Variants in DHRSX observed in about 807,000 individuals in gnomAD.
DHRSX encodes the protein dehydrogenase/reductase X-linked, also known as polyprenol dehydrogenase.
Under a neutral mutation model 34.0 loss-of-function variants are expected in DHRSX, and 31 were observed. That is an observed-to-expected ratio of 0.91 (90% CI 0.69 to 1.23). The LOEUF is 1.23. Among genes scored for constraint, DHRSX ranks in the 50% most tolerant of loss-of-function variants. The pLI, the probability that DHRSX is intolerant of heterozygous loss-of-function variation, is 0.00. For synonymous variants in DHRSX, 201 were observed against 183.8 expected, an observed-to-expected ratio of 1.09 and a Z score of -0.76; for missense variants, 414 against 428.1, an observed-to-expected ratio of 0.97 and a Z score of 0.29.
rs762835557 is a variant in DHRSX at position 2,451,230 on chromosome X, C to CT, written c.110-25927dup. Among the ~76,000 whole-genome samples the CT allele has an allele frequency of 4.0e-4, 49 of 123,872 alleles. 1 individual carries two copies. The East Asian group carries it at 0.01, about 26-fold the overall frequency. The allele number at this position is 123,872 out of a possible 152,430, so 81.3% of individuals were successfully genotyped here. ...CCTGGGCAATACAGCAAGACTCCAT[C>CT]TTTAAAAAAAAAAAAAAAAAAGTTG... On this transcript the variant is annotated intron_variant, in intron 1 of 6. Transcript: ENST00000334651.
At chrX:2,295,128 C>T (rs1425070746) in intron 3 of DHRSX, among the ~76,000 whole-genome samples, 7 of 152,204 alleles carry the variant, frequency 4.6e-5, no homozygotes, top group Middle Eastern at 3.4e-3. Context: ...TGCACACATA[C>T]GTTTATTGCG....
At chrX:2,361,022 A>G (rs2042927086) in intron 3 of DHRSX, among the ~76,000 whole-genome samples, 1 of 152,126 alleles carries the variant, frequency 6.6e-6, no homozygotes, top group African/African-American at 2.4e-5. Context: ...GACAGCTCCT[A>G]CTGGCTGCTA....
At chrX:2,499,754 T>G (rs1454318410) in intron 1 of DHRSX, among the ~76,000 whole-genome samples, 1 of 151,610 alleles carries the variant, frequency 6.6e-6, no homozygotes, top group East Asian at 1.9e-4. Context: ...ACAAAAAAAT[T>G]AAAACATTAG....
At chrX:2,416,615 T>C (rs2043697077) in intron 2 of DHRSX, among the ~76,000 whole-genome samples, 1 of 152,172 alleles carries the variant, frequency 6.6e-6, no homozygotes, top group Non-Finnish European at 1.5e-5. Flanking sequence ...ACACATTTAT[T>C]ATCTGTCTCT....
rs752858289 is a variant in DHRSX at position 2,230,195 on chromosome X, ATGTG to A, written c.805-8970_805-8967del. On this transcript the variant is annotated intron_variant, in intron 6 of 6. Coordinates refer to ENST00000334651, the MANE Select transcript of DHRSX (RefSeq NM_145177.3). ...GGTGCGCGCATGTGTTTGCATCTAT[ATGTG>A]TGTATTTGTACATGTGTGCATGTAT... Among the ~76,000 whole-genome samples, 208 of 138,244 alleles carry A rather than the reference ATGTG, an allele frequency of 1.5e-3. 2 individuals carry two copies. Among genetic ancestry groups the A allele is most frequent in the African/African-American group, 2.5e-3 (98 of 38,686 alleles). The allele number at this position is 138,244 out of a possible 152,430, so 90.7% of individuals were successfully genotyped here. A position where few individuals can be genotyped will look rare whatever the true frequency, so the allele number is the denominator to read the frequency against.
At position 2,371,567 on chromosome X, in the gene DHRSX, T is replaced by C. The variant is rs868563522; in HGVS notation, c.286+37178A>G. On this transcript the variant is annotated intron_variant, in intron 3 of 6. Transcript: ENST00000334651. ...TCCTTCTGTTACCATAGTCCCTCCT[T>C]CCATTACCATAGTACCTCCTCCCAT... Among the ~76,000 whole-genome samples the C allele has an allele frequency of 3.1e-5, 4 of 130,726 alleles. No individual in the cohort carries two copies. In the South Asian group the frequency reaches 7.3e-4, roughly 24 times the overall value. 85.8% of individuals were successfully genotyped at this position (130,726 alleles called of 152,430 possible). A position where few individuals can be genotyped will look rare whatever the true frequency, so the allele number is the denominator to read the frequency against.
At chrX:2,311,133 CAG>C (rs747502438) in intron 3 of DHRSX, among the ~76,000 whole-genome samples, 3 of 147,144 alleles carry the variant, frequency 2.0e-5, no homozygotes, top group South Asian at 2.2e-4. Flanking sequence ...AAGCGAGAGA[CAG>C]AGAGAGAGAA....
Position 2,465,820 on chromosome X carries a change from A to AAAAG in DHRSX, c.109+34996_109+34997insCTTT, listed in dbSNP as rs1556526227. On this transcript the variant is annotated intron_variant, in intron 1 of 6. Coordinates refer to ENST00000334651, the MANE Select transcript of DHRSX (RefSeq NM_145177.3). ...GCAAAACTCCATCGCAAAAAAAAAA[A>AAAAG]AAAAAAGAGAAAAGAAAACAGACAT... 2.8e-4 allele frequency among the ~76,000 whole-genome samples: 30 copies of AAAAG among 108,278 alleles called. 1 individual carries two copies. The highest frequency in any genetic ancestry group is 5.0e-4 in the African/African-American group (10 of 20,012). 71.0% of individuals were successfully genotyped at this position (108,278 alleles called of 152,430 possible). A position where few individuals can be genotyped will look rare whatever the true frequency, so the allele number is the denominator to read the frequency against.
intron 1 of DHRSX, among the ~76,000 whole-genome samples, chrX:2,434,266 G>A (rs925728472): frequency 1.3e-5 from 2 of 152,230 alleles, no homozygotes; most frequent in Non-Finnish European, 2.9e-5. Context: ...AAGTAGGGTT[G>A]TTATCCAGAA....
chrX:2,420,418 T>A (rs1226800515), intron 2 of DHRSX, among the ~76,000 whole-genome samples: 1 of 127,020 alleles, frequency 7.9e-6, no homozygotes, highest in African/African-American at 3.0e-5. Flanking sequence ...CAAAAAATAA[T>A]AATAATAATA....
chrX:2,284,137 A>T (rs1224496311), intron 4 of DHRSX, among the ~76,000 whole-genome samples: 1 of 152,034 alleles, frequency 6.6e-6, no homozygotes, highest in Non-Finnish European at 1.5e-5. Flanking sequence ...CACTCATTTG[A>T]ATTCATTCAT....
chrX:2,372,525 AG>A (rs1377221732), intron 3 of DHRSX, among the ~76,000 whole-genome samples: 8 of 152,146 alleles, frequency 5.3e-5, no homozygotes, highest in Admixed American at 5.2e-4. Flanking sequence ...TAAGCAGCGA[AG>A]CCCCAGAGAC....
intron 1 of DHRSX, among the ~76,000 whole-genome samples, chrX:2,430,501 G>A (rs2043905062): frequency 6.6e-6 from 1 of 152,088 alleles, no homozygotes; most frequent in African/African-American, 2.4e-5. Flanking sequence ...TCAGGGTTTT[G>A]GGTTTTCACA....
At chrX:2,391,417 C>CACCAAGGCATA (rs1490407635) in intron 3 of DHRSX, among the ~76,000 whole-genome samples, 1 of 152,166 alleles carries the variant, frequency 6.6e-6, no homozygotes, top group Non-Finnish European at 1.5e-5. Context: ...CACCAGTATG[C>CACCAAGGCATA]ACCAAGGCAT....
chrX:2,330,656 T>TGAAGGA (rs1569489835), intron 3 of DHRSX, among the ~76,000 whole-genome samples: 9 of 119,436 alleles, frequency 7.5e-5, no homozygotes, highest in Non-Finnish European at 1.5e-4. Context: ...CGAAAGAAGA[T>TGAAGGA]GAAGGAGAAG....
chrX:2,428,310 GAC>G (rs2043874396), intron 1 of DHRSX, among the ~76,000 whole-genome samples: 2 of 151,914 alleles, frequency 1.3e-5, no homozygotes, highest in African/African-American at 2.4e-5. Flanking sequence ...CCACTATAAC[GAC>G]ACACACACGT....
chrX:2,395,858 G>A (rs1418556905), intron 3 of DHRSX, among the ~76,000 whole-genome samples: 3 of 152,140 alleles, frequency 2.0e-5, no homozygotes, highest in Admixed American at 1.3e-4. Flanking sequence ...GCCTCTATCA[G>A]CAATGCAACT....
chrX:2,344,872 C>CAT (rs775259345), intron 3 of DHRSX, among the ~76,000 whole-genome samples: 2,164 of 97,920 alleles, frequency 0.022, 31 homozygotes, highest in East Asian at 0.056. Flanking sequence ...TAAAAAGAAG[C>CAT]ATATATATAT....
At chrX:2,257,222 G>C (rs2041292017) in intron 5 of DHRSX, among the ~76,000 whole-genome samples, 1 of 152,218 alleles carries the variant, frequency 6.6e-6, no homozygotes, top group Non-Finnish European at 1.5e-5. Flanking sequence ...CCGAAGTGCT[G>C]GGATGACAGG....
Sources: allele counts gnomAD v4.1 joint callset (sites outside exome capture counted in the v4.1 genomes callset), GRCh38; gene constraint gnomAD v4.1.1; transcripts MANE v1.5; gene names NCBI Gene and HGNC (gene_info 2026-07-23, HGNC 2026-07-21).